Variants in ADAM22 observed in about 807,000 individuals in gnomAD.
ADAM22 encodes the protein disintegrin and metalloproteinase domain-containing protein 22.
A neutral mutation model predicts 144.6 loss-of-function variants in ADAM22; 65 were observed. The ratio of observed to expected loss-of-function variants is 0.45; its 90% CI spans 0.37 to 0.55. The LOEUF (loss-of-function observed/expected upper bound fraction) is 0.55. Ranked by LOEUF, ADAM22 falls within the 20% of genes least tolerant of loss-of-function variation. The pLI is 0.00. For synonymous variants in ADAM22, 391 were observed against 412.6 expected, an observed-to-expected ratio of 0.95 and a Z score of 0.63; for missense variants, 974 against 1,184.9, an observed-to-expected ratio of 0.82 and a Z score of 2.61.
In ADAM22 at chr7:87,960,511, C is replaced by A. The variant is rs533221086; in HGVS notation, c.247-17825C>A. Among the ~76,000 whole-genome samples, 4 of 152,198 alleles carry A rather than the reference C, an allele frequency of 2.6e-5. No individual in the cohort carries two copies. In the South Asian group the frequency reaches 8.3e-4, roughly 32 times the overall value. On this transcript the variant is annotated intron_variant, in intron 2 of 31. Coordinates refer to ENST00000413139, the MANE Select transcript of ADAM22 (RefSeq NM_001324418.2). ...AGAAACAGTTATACTTTTCTCTGAA[C>A]CTTCTGGCCCTTGTGCAGTTGGGTA...
chr7:87,987,593 A>C (rs1248177356), intron 3 of ADAM22, among the ~76,000 whole-genome samples: 2 of 152,240 alleles, frequency 1.3e-5, no homozygotes, highest in Non-Finnish European at 2.9e-5. Flanking sequence ...TATTTAATGT[A>C]ATTTGTTTAT....
intron 17 of ADAM22, among the ~76,000 whole-genome samples, chr7:88,148,135 C>A (rs1476765071): frequency 6.6e-6 from 1 of 152,074 alleles, no homozygotes; most frequent in Non-Finnish European, 1.5e-5. Flanking sequence ...GAGTTCTGAG[C>A]AGCTAGAGAA....
intron 3 of ADAM22, among the ~76,000 whole-genome samples, chr7:87,996,697 G>T (rs1368913191): frequency 6.6e-6 from 1 of 152,238 alleles, no homozygotes; most frequent in Non-Finnish European, 1.5e-5. Context: ...CCTTGTATTT[G>T]TTGTGCCAAT....
chr7:88,117,023 A>C (rs12704384), intron 7 of ADAM22, among the ~76,000 whole-genome samples: 11,011 of 152,264 alleles, frequency 0.072, 511 homozygotes, highest in Admixed American at 0.11. Context: ...AACTTTAAAA[A>C]ATTTTAAAAT....
intron 2 of ADAM22, among the ~76,000 whole-genome samples, chr7:87,953,266 C>T (rs540877068): frequency 8.5e-4 from 129 of 152,058 alleles, no homozygotes; most frequent in Non-Finnish European, 1.6e-3. Context: ...CCTGCTTTCT[C>T]TTGTGGGCAT....
chr7:88,083,762 A>G (rs1035465939), intron 4 of ADAM22, among the ~76,000 whole-genome samples: 1 of 152,112 alleles, frequency 6.6e-6, no homozygotes, highest in African/African-American at 2.4e-5. Context: ...ACCTAGATGT[A>G]ATAATTATGC....
chr7:88,090,263 G>T (rs1819506029), intron 4 of ADAM22, among the ~76,000 whole-genome samples: 1 of 152,178 alleles, frequency 6.6e-6, no homozygotes, highest in Admixed American at 6.5e-5. Flanking sequence ...GTGGAACAAA[G>T]AGAACCCTCA....
intron 3 of ADAM22, among the ~76,000 whole-genome samples, chr7:88,011,720 CT>C (rs538840257): frequency 0.011 from 1,667 of 151,706 alleles, 24 homozygotes; most frequent in African/African-American, 0.038. Flanking sequence ...CTCTTTCTCT[CT>C]CTCTCTCTCT....
intron 4 of ADAM22, among the ~76,000 whole-genome samples, chr7:88,096,265 CT>C (rs1821278674): frequency 6.6e-6 from 1 of 151,186 alleles, no homozygotes; most frequent in Non-Finnish European, 1.5e-5. Flanking sequence ...ACCAGCTTTA[CT>C]TTCTTTACCA....
chr7:87,983,022 A>G (rs1854069233), intron 3 of ADAM22, among the ~76,000 whole-genome samples: 1 of 151,888 alleles, frequency 6.6e-6, no homozygotes, highest in Non-Finnish European at 1.5e-5. Flanking sequence ...TTTTTTGAAA[A>G]CAATCTCTTC....
chr7:88,117,683 C>T (rs1467463228), intron 7 of ADAM22, among the ~76,000 whole-genome samples: 1 of 143,634 alleles, frequency 7.0e-6, no homozygotes, highest in Non-Finnish European at 1.5e-5. Context: ...ATTTAGTGAG[C>T]CTTATTTTAA....
chr7:88,152,900 C>T (rs1042285418), intron 20 of ADAM22, among the ~76,000 whole-genome samples: 20 of 151,964 alleles, frequency 1.3e-4, no homozygotes, highest in Admixed American at 2.6e-4. Context: ...AGGGTGGTCT[C>T]GATCTCCTGA....
chr7:88,011,584 C>A (rs1795430036), intron 3 of ADAM22, among the ~76,000 whole-genome samples: 1 of 151,632 alleles, frequency 6.6e-6, no homozygotes, highest in Non-Finnish European at 1.5e-5. Flanking sequence ...GTTCTTCCTG[C>A]ATTTTTGTTC....
chr7:88,192,853 G>A (rs1216461332), intron 30 of ADAM22, among the ~76,000 whole-genome samples: 1 of 152,018 alleles, frequency 6.6e-6, no homozygotes, highest in South Asian at 2.1e-4. Flanking sequence ...TATTCTATAG[G>A]ATACATTTTT....
intron 26 of ADAM22, 120 bp downstream of exon 26, chr7:88,171,681 A>T (rs1220554442): frequency 1.3e-6 from 1 of 786,818 alleles, no homozygotes; most frequent in African/African-American, 1.8e-5. Flanking sequence ...ATAATCATAC[A>T]CTAATCGATT....
intron 7 of ADAM22, among the ~76,000 whole-genome samples, chr7:88,122,559 G>A (rs953936898): frequency 3.9e-5 from 6 of 152,056 alleles, no homozygotes; most frequent in Admixed American, 2.0e-4. Flanking sequence ...ATTTCATCCC[G>A]TTATAGCATC....
At chr7:88,084,610 A>G (rs6968026) in intron 4 of ADAM22, among the ~76,000 whole-genome samples, 84,373 of 151,978 alleles carry the variant, frequency 0.56, 24,521 homozygotes, top group East Asian at 0.88. Flanking sequence ...TAGCTCTTTG[A>G]GATGTTTCTT....
At position 88,068,152 on chromosome 7, in the gene ADAM22, A is replaced by G. The variant is rs953947797; in HGVS notation, c.324-7474A>G. Among the ~76,000 whole-genome samples the G allele has an allele frequency of 6.6e-5, 10 of 152,274 alleles. No individual in the cohort carries two copies. The East Asian group carries it at 1.9e-3, about 29-fold the overall frequency. On this transcript the variant is annotated intron_variant, in intron 3 of 31. Coordinates refer to ENST00000413139, the MANE Select transcript of ADAM22 (RefSeq NM_001324418.2). Reference sequence around the variant, plus strand: ...GAGGATTCTCTAGTATATCAAAAGGATCTGGAGGGTTGGTGCATGGCTAGA... The same window carrying G: ...GAGGATTCTCTAGTATATCAAAAGGGTCTGGAGGGTTGGTGCATGGCTAGA...
At chr7:88,045,888 T>TTATGTGTG (rs1491121186) in intron 3 of ADAM22, among the ~76,000 whole-genome samples, 1 of 134,020 alleles carries the variant, frequency 7.5e-6, no homozygotes, top group Admixed American at 7.7e-5. Flanking sequence ...TCGTATTCTA[T>TTATGTGTG]TGTGTGTGTG....
Sources: allele counts gnomAD v4.1 joint callset (sites outside exome capture counted in the v4.1 genomes callset), GRCh38; gene constraint gnomAD v4.1.1; transcripts MANE v1.5; gene names NCBI Gene and HGNC (gene_info 2026-07-23, HGNC 2026-07-21).